Variants in UBAC2 observed in about 807,000 individuals in gnomAD.
UBAC2 encodes ubiquitin-associated domain-containing protein 2.
UBAC2 carries 26 observed loss-of-function variants against 44.0 expected under a neutral mutation model. The observed-to-expected ratio is 0.59, with a 90% CI of 0.43 to 0.82. UBAC2 has a LOEUF of 0.82. UBAC2 is among the 40% of genes least tolerant of loss of function. UBAC2 has a pLI of 0.00. For missense variants in UBAC2, 329 were observed against 419.4 expected (o/e 0.78, Z 1.88); for synonymous variants, 155 against 154.3 (o/e 1.00, Z -0.04).
At chr13:99,337,281 TTCATGGAACTGGTATCTTTATTA>T (rs1358892611) in intron 6 of UBAC2, among the ~76,000 whole-genome samples, 51 of 152,296 alleles carry the variant, frequency 3.3e-4, no homozygotes, top group African/African-American at 1.2e-3. Context: ...CATCTTCCTA[TTCATGGAACTGGTATCTTTATTA>T]TCACTAGGGT....
In UBAC2 at chr13:99,244,587, T is replaced by C. The variant is rs774185481; in HGVS notation, c.352T>C (p.Phe118Leu). Residue 118 changes from phenylalanine to leucine, a missense_variant, in exon 4 of 9, where the codon TTT becomes CTT. Phe to Leu is a conservative substitution (Grantham distance 22, BLOSUM62 0). Coordinates refer to ENST00000403766, the MANE Select transcript of UBAC2 (RefSeq NM_001144072.2). ...FLLIEAMQYF[F>L]GITAASNLPS... ...CCTCATTGAAGCTATGCAGTATTTC[T>C]TTGGCATCACTGCAGCTAGTAATTT... The C allele has an allele frequency of 1.2e-6, 2 of 1,613,320 alleles. No homozygotes were observed. Among genetic ancestry groups the C allele is most frequent in the Admixed American group, 3.3e-5 (2 of 60,018 alleles).
chr13:99,334,202 C>A (rs1308806733), intron 6 of UBAC2, among the ~76,000 whole-genome samples: 1 of 152,032 alleles, frequency 6.6e-6, no homozygotes, highest in Non-Finnish European at 1.5e-5. Flanking sequence ...CTCTAGTGAT[C>A]CTCCTGCTTC....
At chr13:99,206,467 C>G (rs1593992419) in intron 1 of UBAC2, among the ~76,000 whole-genome samples, 1 of 152,360 alleles carries the variant, frequency 6.6e-6, no homozygotes, top group Non-Finnish European at 1.5e-5. Flanking sequence ...AGCCGCTTCC[C>G]TGGCTTTGCT....
At chr13:99,230,366 T>A (rs1017009706) in intron 1 of UBAC2, among the ~76,000 whole-genome samples, 1 of 152,000 alleles carries the variant, frequency 6.6e-6, no homozygotes, top group Non-Finnish European at 1.5e-5. Flanking sequence ...CTTGGGAGGC[T>A]GAGGGACGAG....
chr13:99,330,923 C>A (rs1692327590), intron 6 of UBAC2, among the ~76,000 whole-genome samples: 1 of 152,162 alleles, frequency 6.6e-6, no homozygotes, highest in African/African-American at 2.4e-5. Flanking sequence ...GTGCATGTAA[C>A]TTTTAAAGGA....
chr13:99,313,785 C>T (rs2044447448), intron 4 of UBAC2, among the ~76,000 whole-genome samples: 1 of 152,156 alleles, frequency 6.6e-6, no homozygotes, highest in African/African-American at 2.4e-5. Context: ...TGTCTAGTTT[C>T]TCTCATTAGA....
intron 4 of UBAC2, among the ~76,000 whole-genome samples, chr13:99,246,935 T>G (rs1410058850): frequency 2.0e-5 from 3 of 152,194 alleles, no homozygotes; most frequent in Admixed American, 6.5e-5. Flanking sequence ...AAACATAGAC[T>G]TTTTGGAACA....
chr13:99,287,737 A>T (rs2044038748), intron 4 of UBAC2, among the ~76,000 whole-genome samples: 1 of 140,532 alleles, frequency 7.1e-6, no homozygotes, highest in African/African-American at 2.7e-5. Context: ...CTCCTGTCTC[A>T]GCCTGCCAAA....
intron 6 of UBAC2, among the ~76,000 whole-genome samples, chr13:99,325,106 T>TTC (rs2044620978): frequency 1.4e-5 from 2 of 144,500 alleles, no homozygotes; most frequent in Non-Finnish European, 3.0e-5. Flanking sequence ...CTCTTTTTTT[T>TTC]TTTTTTTTTT....
intron 1 of UBAC2, among the ~76,000 whole-genome samples, chr13:99,236,579 C>T (rs1306013398): frequency 2.0e-5 from 3 of 151,964 alleles, no homozygotes; most frequent in South Asian, 2.1e-4. Flanking sequence ...CTGCTGGGCA[C>T]GGTGGCTCAT....
At chr13:99,264,605 A>G (rs1372281111) in intron 4 of UBAC2, among the ~76,000 whole-genome samples, 2 of 152,062 alleles carry the variant, frequency 1.3e-5, no homozygotes, top group African/African-American at 4.8e-5. Flanking sequence ...TGTCTTAACC[A>G]TGTTAGCTCA....
intron 8 of UBAC2, chr13:99,372,137 C>T (rs796384531): frequency 6.6e-5 from 10 of 152,418 alleles, no homozygotes; most frequent in African/African-American, 2.4e-4. Context: ...ACAGTGCGCC[C>T]TGTGCTGCCT....
At chr13:99,310,315 G>A (rs2044395405) in intron 4 of UBAC2, among the ~76,000 whole-genome samples, 1 of 152,194 alleles carries the variant, frequency 6.6e-6, no homozygotes, top group Admixed American at 6.5e-5. Context: ...CTGGGTGACT[G>A]ACAGATACCG....
intron 6 of UBAC2, among the ~76,000 whole-genome samples, chr13:99,319,235 G>A (rs2044537360): frequency 6.6e-6 from 1 of 151,988 alleles, no homozygotes; most frequent in South Asian, 2.1e-4. Context: ...GCATGAAGTG[G>A]AGTTTTATTC....
In UBAC2 at chr13:99,334,275, C is replaced by A. The variant is rs148092521; in HGVS notation, c.562-6045C>A. On this transcript the variant is annotated intron_variant, in intron 6 of 8. Transcript: ENST00000403766. ...GAAAAACCAACATTGTATTGTTGAGCTTTTAAGGTATATAGGTGTAAAATA... is the reference window on the plus strand; with the variant it reads ...GAAAAACCAACATTGTATTGTTGAGATTTTAAGGTATATAGGTGTAAAATA... Among the ~76,000 whole-genome samples, 19 of 152,196 alleles carry A rather than the reference C, an allele frequency of 1.2e-4. No homozygotes were observed. In the East Asian group the frequency reaches 3.7e-3, roughly 29 times the overall value.
At chr13:99,220,074 CAG>C (rs2142683054) in intron 1 of UBAC2, among the ~76,000 whole-genome samples, 1 of 152,242 alleles carries the variant, frequency 6.6e-6, no homozygotes, top group East Asian at 1.9e-4. Context: ...GTATATTCCT[CAG>C]AGTGGAATTG....
chr13:99,292,616 A>C (rs755968285), intron 4 of UBAC2, among the ~76,000 whole-genome samples: 9 of 152,094 alleles, frequency 5.9e-5, no homozygotes, highest in Middle Eastern at 6.3e-3. Flanking sequence ...TCACATATAC[A>C]TGATGCCATT....
intron 2 of UBAC2, among the ~76,000 whole-genome samples, chr13:99,239,406 A>G (rs568833181): frequency 2.0e-5 from 3 of 152,368 alleles, no homozygotes; most frequent in Admixed American, 1.3e-4. Context: ...CTCCATATCT[A>G]TACTTACGTG....
chr13:99,211,227 C>A (rs924805753), intron 1 of UBAC2, among the ~76,000 whole-genome samples: 4 of 152,104 alleles, frequency 2.6e-5, no homozygotes, highest in African/African-American at 7.2e-5. Flanking sequence ...ACAAACGAGT[C>A]TTTTCACGCT....
Sources: allele counts gnomAD v4.1 joint callset (sites outside exome capture counted in the v4.1 genomes callset), GRCh38; gene constraint gnomAD v4.1.1; transcripts MANE v1.5; gene names NCBI Gene and HGNC (gene_info 2026-07-23, HGNC 2026-07-21).